LAMA1: variants seen among roughly 807,000 people sequenced by gnomAD.
LAMA1 encodes the protein laminin subunit alpha 1.
A neutral mutation model predicts 348.7 loss-of-function variants in LAMA1; 219 were observed. The observed-to-expected ratio is 0.63, with a 90% CI of 0.56 to 0.70. LAMA1 has a LOEUF of 0.70. Among genes scored for constraint, LAMA1 ranks in the 30% least tolerant of loss-of-function variants. LAMA1 has a pLI of 0.00. For synonymous variants in LAMA1, 1,487 were observed against 1,491.0 expected (o/e 1.00, Z 0.06); for missense variants, 3,744 against 3,888.0 (o/e 0.96, Z 0.99).
At chr18:7,042,016 A>T in intron 9 of LAMA1, 129 bp downstream of exon 9, 1 of 722,464 alleles carries the variant, frequency 1.4e-6, no homozygotes, top group Non-Finnish European at 2.5e-6. Context: ...GGTGCTTGAT[A>T]CGTACTTGGT....
intron 1 of LAMA1, among the ~76,000 whole-genome samples, chr18:7,098,261 C>T (rs1343485099): frequency 3.9e-5 from 6 of 152,172 alleles, no homozygotes; most frequent in Non-Finnish European, 7.4e-5. Flanking sequence ...AGCCTCTGCC[C>T]GGCTGCCACC....
At position 7,037,708 on chromosome 18, in the gene LAMA1, G is replaced by C; in HGVS notation, c.1607C>G (p.Pro536Arg). Residue 536 changes from proline to arginine, a missense_variant, in exon 12 of 63, where the codon CCC (proline) becomes CGC (arginine). Pro to Arg is a moderately radical substitution (Grantham distance 103). Around this residue, in one of 3 missense-constraint regions of LAMA1, gnomAD observed 1,529 missense variants for 1,689.4 expected, o/e 0.91. Transcript: ENST00000389658. ...ATCTTGCTGAGACGGGATCTTCCTG[G>C]GACTGATCAAGTCGGTGACCAGCCA... ...SGWLVTDLIS[P>R]RKIPSQQDAL... 4 of 1,614,066 alleles carry C rather than the reference G, an allele frequency of 2.5e-6. No individual in the cohort carries two copies. Among genetic ancestry groups the C allele is most frequent in the Non-Finnish European group, 3.4e-6 (4 of 1,180,008 alleles).
intron 1 of LAMA1, among the ~76,000 whole-genome samples, chr18:7,107,051 C>T (rs962081722): frequency 2.0e-5 from 3 of 151,756 alleles, no homozygotes; most frequent in African/African-American, 7.3e-5. Flanking sequence ...GCAAGCAGAA[C>T]GTAGATGGCA....
intron 32 of LAMA1, among the ~76,000 whole-genome samples, chr18:6,998,095 G>T (rs143244556): frequency 6.6e-6 from 1 of 152,052 alleles, no homozygotes; most frequent in Non-Finnish European, 1.5e-5. Flanking sequence ...CAATGATGAC[G>T]CCAAGACTCA....
Position 7,023,147 on chromosome 18 carries a change from C to T in LAMA1, c.2701+17G>A, listed in dbSNP as rs367809199. On this transcript the variant is annotated intron_variant, in intron 19 of 62. Transcript: ENST00000389658. ...TGGCAATAAACAGCTGACCTGACTT[C>T]ACGCTCACGCACTCACCGCGGCAGT... 49 of 1,607,702 alleles carry T rather than the reference C, an allele frequency of 3.0e-5. No homozygotes were observed. The African/African-American group carries it at 6.4e-4, about 21-fold the overall frequency.
chr18:7,013,030 G>C (rs1005673233), intron 23 of LAMA1, among the ~76,000 whole-genome samples: 2 of 151,730 alleles, frequency 1.3e-5, no homozygotes, highest in African/African-American at 4.8e-5. Context: ...GCGTGGTGGT[G>C]GGCACCTCTA....
chr18:7,070,026 C>T (rs187644983), intron 3 of LAMA1, among the ~76,000 whole-genome samples: 10 of 152,206 alleles, frequency 6.6e-5, no homozygotes, highest in Admixed American at 6.5e-5. Flanking sequence ...GAAAATAAAA[C>T]GAGATAATGA....
At chr18:7,077,496 C>T (rs2058174285) in intron 3 of LAMA1, among the ~76,000 whole-genome samples, 1 of 152,100 alleles carries the variant, frequency 6.6e-6, no homozygotes, top group South Asian at 2.1e-4. Flanking sequence ...TGAGCCACTG[C>T]ACCTGGCTGT....
chr18:7,076,855 G>A (rs2058170343), intron 3 of LAMA1: 1 of 152,140 alleles, frequency 6.6e-6, no homozygotes, highest in Non-Finnish European at 1.5e-5. Flanking sequence ...TGTGATGACT[G>A]CAATTCACTG....
chr18:6,999,411 A>G (rs1374236312), intron 32 of LAMA1, 34 bp downstream of exon 32: 1 of 1,611,726 alleles, frequency 6.2e-7, no homozygotes, highest in African/African-American at 1.3e-5. Flanking sequence ...GGGAGGAAAA[A>G]CCATCTTTAC....
intron 32 of LAMA1, among the ~76,000 whole-genome samples, chr18:6,998,575 T>C (rs529782225): frequency 5.3e-5 from 8 of 152,262 alleles, no homozygotes; most frequent in African/African-American, 1.7e-4. Flanking sequence ...GTGGGGGTGT[T>C]TGTGCTTATA....
intron 21 of LAMA1, 60 bp downstream of exon 21, chr18:7,016,431 G>A: frequency 1.9e-6 from 3 of 1,584,788 alleles, no homozygotes; most frequent in East Asian, 2.2e-5. Flanking sequence ...AGTAGAGGGA[G>A]GGCCCAAGGA....
At chr18:7,014,945 C>T (rs956285728) in intron 22 of LAMA1, among the ~76,000 whole-genome samples, 3 of 152,000 alleles carry the variant, frequency 2.0e-5, no homozygotes, top group Admixed American at 1.3e-4. Context: ...CTCCCGGGTT[C>T]ACGTCGTTCT....
intron 1 of LAMA1, among the ~76,000 whole-genome samples, chr18:7,098,582 C>A (rs2058274228): frequency 6.6e-6 from 1 of 151,154 alleles, no homozygotes; most frequent in Non-Finnish European, 1.5e-5. Context: ...CCGGCCGCCC[C>A]GTCTGAGAAG....
At chr18:7,030,926 C>T (rs543757305) in intron 16 of LAMA1, among the ~76,000 whole-genome samples, 38 of 148,680 alleles carry the variant, frequency 2.6e-4, no homozygotes, top group African/African-American at 8.2e-4. Flanking sequence ...CCTCATCAAG[C>T]GGTTGGAAGC....
rs1180196519 is a variant in LAMA1, at chr18:6,995,427, T to G, written c.4826A>C (p.Asn1609Thr). 6.2e-7 allele frequency: 1 copy of G among 1,606,434 alleles called. No individual in the cohort carries two copies. The highest frequency in any genetic ancestry group is 2.2e-5 in the East Asian group (1 of 44,836). ...KYLQESLLKE[N>T]MQKDLGKIKL... ...AATTTTTCCCAGGTCCTTTTGCATA[T>G]TTTCTTTTAATAAAGATTCCTAGGA... Residue 1609 changes from asparagine (N) to threonine (T), a missense_variant, in exon 34 of 63, where the codon AAT (asparagine) becomes ACT (threonine). Physicochemically the swap from Asn to Thr is moderately conservative, Grantham distance 65. Coordinates refer to ENST00000389658, the MANE Select transcript of LAMA1 (RefSeq NM_005559.4).
At chr18:6,972,458 G>T (rs903709047) in intron 47 of LAMA1, among the ~76,000 whole-genome samples, 4 of 152,182 alleles carry the variant, frequency 2.6e-5, no homozygotes, top group African/African-American at 7.2e-5. Flanking sequence ...TAGAGATAAA[G>T]AAACTTTACA....
intron 4 of LAMA1, among the ~76,000 whole-genome samples, chr18:7,050,032 A>G (rs1024864931): frequency 9.2e-5 from 14 of 152,212 alleles, no homozygotes; most frequent in African/African-American, 3.4e-4. Flanking sequence ...TCCCTGGGCT[A>G]CAACTTCTCT....
intron 48 of LAMA1, among the ~76,000 whole-genome samples, chr18:6,968,043 C>A (rs755219651): frequency 6.6e-6 from 1 of 152,166 alleles, no homozygotes; most frequent in Non-Finnish European, 1.5e-5. Context: ...CAGACTATGA[C>A]CAGAGGCACA....
Sources: allele counts gnomAD v4.1 joint callset (sites outside exome capture counted in the v4.1 genomes callset), GRCh38; gene constraint gnomAD v4.1.1; regional missense constraint gnomAD v4.1.1; transcripts MANE v1.5; gene names NCBI Gene and HGNC (gene_info 2026-07-23, HGNC 2026-07-21).